EEF2K: variants seen among roughly 807,000 people sequenced by gnomAD.
EEF2K encodes the protein alternative protein EEF2K.
EEF2K carries 70 observed loss-of-function variants against 93.8 expected under a neutral mutation model. The ratio of observed to expected loss-of-function variants is 0.75; its 90% confidence interval spans 0.62 to 0.91. EEF2K has a LOEUF of 0.91. Ranked by LOEUF, EEF2K falls within the 40% of genes least tolerant of loss-of-function variation. EEF2K has a pLI of 0.00. For missense variants in EEF2K, 935 were observed against 972.9 expected (o/e 0.96, Z 0.52); for synonymous variants, 376 against 380.8 (o/e 0.99, Z 0.15).
chr16:22,266,632 T>C, intron 14 of EEF2K, 56 bp from the exon 15 acceptor site: 3 of 1,586,832 alleles, frequency 1.9e-6, no homozygotes, highest in Non-Finnish European at 2.6e-6. Flanking sequence ...TGGGCGGTCT[T>C]GGGTGCGGCT....
intron 1 of EEF2K, among the ~76,000 whole-genome samples, chr16:22,217,569 G>A (rs569755720): frequency 7.9e-5 from 12 of 152,100 alleles, no homozygotes; most frequent in South Asian, 2.1e-4. Flanking sequence ...TCAGCTTCCC[G>A]AGTAGCTGGG....
At chr16:22,208,686 C>A (rs992620398) in intron 1 of EEF2K, among the ~76,000 whole-genome samples, 1 of 151,440 alleles carries the variant, frequency 6.6e-6, no homozygotes, top group African/African-American at 2.4e-5. Flanking sequence ...GATTGCTTGA[C>A]CCCAGGAGTT....
At position 22,220,664 on chromosome 16, in the gene EEF2K, C is replaced by T. The variant is rs578230988; in HGVS notation, c.-76-4990C>T. ...TTCGCCATGTTCCCCAGGCTGGCCT[C>T]GAACTCCTGAGCTCAAGCGATCTGC... is the stretch of plus-strand genomic sequence containing the variant. On this transcript the variant is annotated intron_variant, in intron 1 of 17. Transcript: ENST00000263026. 1.2e-4 allele frequency among the ~76,000 whole-genome samples: 18 copies of T among 152,308 alleles called. No individual in the cohort carries two copies. In the East Asian group the frequency reaches 2.1e-3, roughly 18 times the overall value.
At chr16:22,230,546 C>T (rs974925036) in intron 2 of EEF2K, among the ~76,000 whole-genome samples, 12 of 150,546 alleles carry the variant, frequency 8.0e-5, no homozygotes, top group Admixed American at 4.6e-4. Context: ...CTTAGAGACA[C>T]GGTCTTACTC....
In EEF2K at chr16:22,284,591, T is replaced by C. The variant is rs1314562001; in HGVS notation, c.*595T>C. On this transcript the variant is annotated 3_prime_UTR_variant, in exon 18 of 18. Transcript: ENST00000263026. ...CCACCATGCCTGCCCATTTTGTGGT[T>C]CTATTTTCATTTTTATTTCTTTTTT... 1 of 151,960 alleles carries C rather than the reference T, an allele frequency of 6.6e-6. No homozygotes were observed. The highest frequency in any genetic ancestry group is 1.5e-5 in the Non-Finnish European group (1 of 68,038). The allele number at this position is 151,960 out of a possible 1,614,324, so 9.4% of individuals were successfully genotyped here.
In EEF2K at chr16:22,216,376, C is replaced by T. The variant is rs369947262; in HGVS notation, c.-76-9278C>T. On this transcript the variant is annotated intron_variant, in intron 1 of 17. Coordinates refer to ENST00000263026, the MANE Select transcript of EEF2K (RefSeq NM_013302.5). ...GTGTAGCACCTGGTGTGCAGTCAGT[C>T]TTTCACGTGCATTATTTGTCTTTCT... Among the ~76,000 whole-genome samples the T allele has an allele frequency of 3.3e-5, 5 of 152,140 alleles. No homozygotes were observed. In the East Asian group the frequency reaches 9.6e-4, roughly 29 times the overall value.
rs1019526405 is a variant in EEF2K at position 22,266,302 on chromosome 16, A to C, written c.1441-88A>C. 5 of 1,506,640 alleles carry C rather than the reference A, an allele frequency of 3.3e-6. No homozygotes were observed. In the Admixed American group the frequency reaches 6.8e-5, roughly 20 times the overall value. The allele number at this position is 1,506,640 out of a possible 1,614,324, so 93.3% of individuals were successfully genotyped here. ...GTTCACTCCCCATCTCCCTCCAGCC[A>C]GGCTCCTGTGTAGTAGGGGCTGCTG... On this transcript the variant is annotated intron_variant, in intron 13 of 17. Transcript: ENST00000263026.
intron 2 of EEF2K, among the ~76,000 whole-genome samples, chr16:22,243,067 AAAAAAAT>A (rs1221492473): frequency 2.6e-5 from 4 of 152,056 alleles, no homozygotes; most frequent in African/African-American, 7.2e-5. Context: ...GTCTCTTGAA[AAAAAAAT>A]AAAAAATAAA....
Position 22,250,638 on chromosome 16 carries a change from G to A in EEF2K, c.409-16G>A, listed in dbSNP as rs1477034268. On this transcript the variant is annotated splice_polypyrimidine_tract_variant and intron_variant, in intron 4 of 17. Transcript: ENST00000263026. ...GGGGCATGGGGACTGATAACACTCT[G>A]TGTGGTGTCTTTCAGCCCTTCGGCC... The A allele has an allele frequency of 6.2e-7, 1 of 1,613,530 alleles. No homozygotes were observed. Among genetic ancestry groups the A allele is most frequent in the Non-Finnish European group, 8.5e-7 (1 of 1,180,032 alleles).
In EEF2K at chr16:22,286,239, T is replaced by A. The variant is rs1276212130; in HGVS notation, c.*2243T>A. On this transcript the variant is annotated 3_prime_UTR_variant, in exon 18 of 18. Coordinates refer to ENST00000263026, the MANE Select transcript of EEF2K (RefSeq NM_013302.5). ...ATCAGTAGTTGGCTTGTGTTACATT[T>A]TGTGTGTGTGTGTGCGTGTTTTAAA... The A allele has an allele frequency of 6.6e-6, 1 of 152,040 alleles. No homozygotes were observed. Among genetic ancestry groups the A allele is most frequent in the Admixed American group, 6.6e-5 (1 of 15,246 alleles). 9.4% of individuals were successfully genotyped at this position (152,040 alleles called of 1,614,324 possible).
Position 22,286,375 on chromosome 16 carries a change from T to A in EEF2K, c.*2379T>A, listed in dbSNP as rs897936464. On this transcript the variant is annotated 3_prime_UTR_variant, in exon 18 of 18. Coordinates refer to ENST00000263026, the MANE Select transcript of EEF2K (RefSeq NM_013302.5). The stretch of plus-strand genomic sequence containing the variant: ...CTTTTTAAATTCAGCCAGCCCCCCC[T>A]CTCTGAAATTTTATTATGTAAATAA... 2 of 150,868 alleles carry A rather than the reference T, an allele frequency of 1.3e-5. No homozygotes were observed. The highest frequency in any genetic ancestry group is 1.9e-4 in the East Asian group (1 of 5,186). 9.3% of individuals were successfully genotyped at this position (150,868 alleles called of 1,614,324 possible).
At chr16:22,246,458 G>T (rs993355799) in intron 3 of EEF2K, among the ~76,000 whole-genome samples, 38 of 145,218 alleles carry the variant, frequency 2.6e-4, no homozygotes, top group African/African-American at 9.5e-4. Flanking sequence ...AGAGGTTGCA[G>T]TGAGCTGAGA....
At position 22,248,782 on chromosome 16, in the gene EEF2K, GGAT is replaced by G. The variant is rs759351286; in HGVS notation, c.381_383del (p.Asp127del). 1.2e-6 allele frequency: 2 copies of G among 1,614,034 alleles called. No homozygotes were observed. Among genetic ancestry groups the G allele is most frequent in the East Asian group, 4.5e-5 (2 of 44,876 alleles). On this transcript the variant is annotated inframe_deletion, in exon 4 of 18. Transcript: ENST00000263026. ...ACAACGCCGTCACCGGGGAATGGCT[GGAT>G]GATGAAGTTCTGATCAAGATGGCAT...
intron 1 of EEF2K, among the ~76,000 whole-genome samples, chr16:22,222,551 A>C (rs2047024138): frequency 6.6e-6 from 1 of 151,660 alleles, no homozygotes; most frequent in Non-Finnish European, 1.5e-5. Context: ...TAAAATTCAC[A>C]TACCTTACAA....
At chr16:22,208,542 A>G (rs7197016) in intron 1 of EEF2K, among the ~76,000 whole-genome samples, 45,584 of 151,964 alleles carry the variant, frequency 0.3, 7,910 homozygotes, top group East Asian at 0.59. Context: ...AAAATAAAAA[A>G]GATCCACCAA....
rs1224874538 is a variant in EEF2K, at chr16:22,273,814, C to T, written c.1889+64C>T. The T allele has an allele frequency of 2.3e-5, 36 of 1,592,162 alleles. 1 individual carries two copies. The South Asian group carries it at 2.4e-4, about 10-fold the overall frequency. On this transcript the variant is annotated intron_variant, in intron 16 of 17. Coordinates refer to ENST00000263026, the MANE Select transcript of EEF2K (RefSeq NM_013302.5). ...TGGGCTGCAGGTGGGCGCTTGTCCT[C>T]GGTATCAGCACAGGCCTGGGTTCCA...
At chr16:22,222,920 G>C (rs1054644394) in intron 1 of EEF2K, among the ~76,000 whole-genome samples, 9 of 151,872 alleles carry the variant, frequency 5.9e-5, no homozygotes, top group African/African-American at 1.2e-4. Flanking sequence ...TATATTCATA[G>C]TCATATAGCC....
rs1253768522 is a variant in EEF2K at position 22,260,514 on chromosome 16, T to C, written c.1284T>C (p.His428=). The change falls in exon 11 of 18, where the codon CAT becomes CAC. Residue 428 remains histidine (H), a synonymous_variant. Transcript: ENST00000263026. ...ACATGGCATCCAGAGACCATGATCA[T>C]CTAGACAACCACCGGGTGAGTGTGA... is the stretch of plus-strand genomic sequence containing the variant. ...LDNMASRDHD[H]LDNHRESENS... is the part of the protein sequence containing the mutation. 6.2e-7 allele frequency: 1 copy of C among 1,614,052 alleles called. No individual in the cohort carries two copies. Among genetic ancestry groups the C allele is most frequent in the Non-Finnish European group, 8.5e-7 (1 of 1,180,008 alleles).
At chr16:22,209,691 C>T (rs943555321) in intron 1 of EEF2K, among the ~76,000 whole-genome samples, 1 of 152,172 alleles carries the variant, frequency 6.6e-6, no homozygotes. Flanking sequence ...GTGGTTAGAG[C>T]GATGACCTTG....
Sources: gnomAD v4.1 joint callset for allele counts (sites outside exome capture counted in the v4.1 genomes callset) on GRCh38, gnomAD v4.1.1 for gene constraint, MANE v1.5 for transcripts, NCBI Gene and HGNC (gene_info 2026-07-23, HGNC 2026-07-21) for gene names.